Variants in ERG observed in about 807,000 individuals in gnomAD.
The protein encoded by ERG is ETS transcription factor ERG.
ERG carries 9 observed loss-of-function variants against 55.3 expected under a neutral mutation model. The observed-to-expected ratio is 0.16, with a 90% CI of 0.10 to 0.28. ERG has a LOEUF of 0.28. ERG is among the 10% of genes least tolerant of loss of function. The pLI, the probability that ERG is intolerant of heterozygous loss-of-function variation, is 1.00. For synonymous variants in ERG, 223 were observed against 237.3 expected (o/e 0.94, Z 0.55); for missense variants, 434 against 631.6 (o/e 0.69, Z 3.35).
chr21:38,604,101 A>G (rs1198768572), intron 1 of ERG, among the ~76,000 whole-genome samples: 1 of 151,930 alleles, frequency 6.6e-6, no homozygotes, highest in Admixed American at 6.6e-5. Flanking sequence ...AAAAAAAAAA[A>G]AATTAGCTGG....
chr21:38,561,845 A>G (rs1219643435), intron 2 of ERG, among the ~76,000 whole-genome samples: 1 of 152,244 alleles, frequency 6.6e-6, no homozygotes, highest in East Asian at 1.9e-4. Context: ...TTTCCAGAAA[A>G]TCTACAAAGA....
intron 1 of ERG, among the ~76,000 whole-genome samples, chr21:38,455,092 C>G (rs748251793): frequency 1.5e-5 from 2 of 133,476 alleles, no homozygotes; most frequent in Non-Finnish European, 3.1e-5. Flanking sequence ...ACATAATGTT[C>G]TTTTTCTTTC....
At chr21:38,580,981 A>G (rs1439564940) in intron 1 of ERG, among the ~76,000 whole-genome samples, 1 of 152,218 alleles carries the variant, frequency 6.6e-6, no homozygotes, top group Non-Finnish European at 1.5e-5. Flanking sequence ...GGACATCCCG[A>G]TCCACATGGC....
intron 1 of ERG, among the ~76,000 whole-genome samples, chr21:38,628,996 T>C (rs1288266831): frequency 2.0e-5 from 3 of 152,252 alleles, no homozygotes; most frequent in African/African-American, 4.8e-5. Flanking sequence ...AGTATACTAG[T>C]ACTGTTAAAG....
intron 2 of ERG, among the ~76,000 whole-genome samples, chr21:38,525,699 A>G (rs1453135810): frequency 6.6e-6 from 1 of 152,212 alleles, no homozygotes; most frequent in Admixed American, 6.5e-5. Context: ...AGGCACCTGC[A>G]TATCTGTGGG....
At chr21:38,375,081 C>T (rs145294181), downstream of ERG, among the ~76,000 whole-genome samples, 263 of 152,252 alleles carry the variant, frequency 1.7e-3, 1 homozygote, top group Non-Finnish European at 2.8e-3. Flanking sequence ...TGCTAAGCTG[C>T]CCTACTCCAA....
At chr21:38,473,159 C>CAAAAAAAAAAA (rs33994175) in intron 1 of ERG, among the ~76,000 whole-genome samples, 4 of 106,054 alleles carry the variant, frequency 3.8e-5, no homozygotes, top group African/African-American at 1.6e-4. Context: ...AGGATGCGCT[C>CAAAAAAAAAAA]AAAAAAAAAA....
At chr21:38,415,199 T>C (rs907605001) in intron 3 of ERG, among the ~76,000 whole-genome samples, 13 of 152,208 alleles carry the variant, frequency 8.5e-5, no homozygotes, top group African/African-American at 3.1e-4. Flanking sequence ...TGTGACATAT[T>C]TGGCAACTCT....
chr21:38,566,848 C>T (rs539751643), intron 2 of ERG, among the ~76,000 whole-genome samples: 1 of 152,324 alleles, frequency 6.6e-6, no homozygotes, highest in Admixed American at 6.5e-5. Context: ...GGGCTCCAAC[C>T]CAAACTTACT....
At chr21:38,546,664 C>G (rs1343607953) in intron 2 of ERG, among the ~76,000 whole-genome samples, 3 of 152,162 alleles carry the variant, frequency 2.0e-5, no homozygotes, top group African/African-American at 7.2e-5. Context: ...TGAGGGAGAG[C>G]TGGAGGTAGC....
intron 2 of ERG, among the ~76,000 whole-genome samples, chr21:38,557,588 T>A (rs2059866031): frequency 6.6e-6 from 1 of 152,226 alleles, no homozygotes; most frequent in Admixed American, 6.5e-5. Context: ...TATGTTTTTT[T>A]AAAAGGTTAA....
At chr21:38,562,346 T>C (rs1425559351) in intron 2 of ERG, among the ~76,000 whole-genome samples, 4 of 152,220 alleles carry the variant, frequency 2.6e-5, no homozygotes, top group Non-Finnish European at 4.4e-5. Flanking sequence ...TTGTTAATAC[T>C]GGCCTTGACT....
chr21:38,371,335 G>C, the ERG span, among the ~76,000 whole-genome samples: 2 of 151,832 alleles, frequency 1.3e-5, no homozygotes, highest in African/African-American at 2.4e-5. Context: ...TATTTTCTAT[G>C]AATAATAATA....
chr21:38,492,935 C>A (rs1474434040), intron 1 of ERG, among the ~76,000 whole-genome samples: 2 of 152,082 alleles, frequency 1.3e-5, no homozygotes, highest in Non-Finnish European at 2.9e-5. Context: ...AAATGAGATT[C>A]TGTTCTTATC....
At chr21:38,522,026 T>C (rs1003103881) in intron 2 of ERG, among the ~76,000 whole-genome samples, 2 of 152,228 alleles carry the variant, frequency 1.3e-5, no homozygotes, top group African/African-American at 4.8e-5. Flanking sequence ...ACTGATGTCA[T>C]ATACAATAAC....
chr21:38,405,123 T>C (rs992392491), intron 3 of ERG, among the ~76,000 whole-genome samples: 1 of 152,206 alleles, frequency 6.6e-6, no homozygotes, highest in Admixed American at 6.5e-5. Flanking sequence ...CTGAAGTTAG[T>C]AGCTAGTGGT....
In ERG at chr21:38,413,931, C is replaced by T. The variant is rs117451276; in HGVS notation, c.388+9479G>A. On this transcript the variant is annotated intron_variant, in intron 3 of 9. Transcript: ENST00000288319. ...GTATCTTTGGGCATTCTTATTTGCT[C>T]TCATGTTTGAACTATAACATGCATG... 7.6e-3 allele frequency among the ~76,000 whole-genome samples: 1,152 copies of T among 152,240 alleles called. 17 individuals carry two copies. The highest frequency in any genetic ancestry group is 0.048 in the Middle Eastern group (14 of 294).
intron 1 of ERG, among the ~76,000 whole-genome samples, chr21:38,614,806 G>T: frequency 6.6e-6 from 1 of 152,312 alleles, no homozygotes; most frequent in Non-Finnish European, 1.5e-5. Context: ...GCCTCAGCAG[G>T]GAGTCCCTCC....
At chr21:38,628,284 G>C (rs2060337412) in intron 1 of ERG, among the ~76,000 whole-genome samples, 1 of 152,068 alleles carries the variant, frequency 6.6e-6, no homozygotes, top group African/African-American at 2.4e-5. Flanking sequence ...TGTATTTATA[G>C]TTGTTTTTCT....
Sources: allele counts gnomAD v4.1 joint callset (sites outside exome capture counted in the v4.1 genomes callset), GRCh38; gene constraint gnomAD v4.1.1; transcripts MANE v1.5; gene names NCBI Gene and HGNC (gene_info 2026-07-23, HGNC 2026-07-21).